CFAP47: variants seen among roughly 807,000 people sequenced by gnomAD.
CFAP47 encodes cilia and flagella associated protein 47.
Under a neutral mutation model 148.1 loss-of-function variants are expected in CFAP47, and 29 were observed. The observed-to-expected ratio is 0.20, with a 90% CI of 0.15 to 0.27. CFAP47 has a LOEUF of 0.27. Among genes scored for constraint, CFAP47 ranks in the 10% least tolerant of loss-of-function variants. The pLI is 1.00. For missense variants in CFAP47, 1,872 were observed against 1,697.5 expected (o/e 1.10, Z -1.81); for synonymous variants, 664 against 577.3 (o/e 1.15, Z -2.15).
chrX:35,951,988 A>T, intron 6 of CFAP47, 25 bp downstream of exon 6: 1 of 1,134,564 alleles, frequency 8.8e-7, no homozygotes, highest in Non-Finnish European at 1.2e-6. Flanking sequence ...ATTTCATTGT[A>T]ATGTTAAATA....
chrX:35,929,247 A>C (rs1449653217), intron 2 of CFAP47, among the ~76,000 whole-genome samples: 2 of 111,562 alleles, frequency 1.8e-5, no homozygotes, highest in Non-Finnish European at 3.8e-5. Flanking sequence ...ATTTGAGGGA[A>C]ATAGACATCT....
chrX:36,024,245 G>C (rs1469897181), intron 22 of CFAP47, among the ~76,000 whole-genome samples: 1 of 111,475 alleles, frequency 9.0e-6, no homozygotes, highest in Non-Finnish European at 1.9e-5. Flanking sequence ...TGAAAGCTAG[G>C]GTCTGGAAAA....
chrX:36,065,154 G>T (rs920101426), intron 26 of CFAP47, among the ~76,000 whole-genome samples: 2 of 111,658 alleles, frequency 1.8e-5, no homozygotes, highest in Non-Finnish European at 3.8e-5. Context: ...AATATTTGAA[G>T]AACTGTAATG....
At chrX:35,981,977 A>C (rs1161525944) in intron 15 of CFAP47, among the ~76,000 whole-genome samples, 1 of 111,692 alleles carries the variant, frequency 9.0e-6, no homozygotes, top group Non-Finnish European at 1.9e-5. Context: ...ATAGTGACAG[A>C]CACATGCGTG....
At chrX:36,239,193 T>A (rs1940510039) in intron 48 of CFAP47, among the ~76,000 whole-genome samples, 1 of 112,261 alleles carries the variant, frequency 8.9e-6, no homozygotes, top group African/African-American at 3.2e-5. Flanking sequence ...ACAAGAGATG[T>A]GGGACTTCCA....
At chrX:36,032,058 GT>G (rs1411687834) in intron 23 of CFAP47, among the ~76,000 whole-genome samples, 1 of 111,283 alleles carries the variant, frequency 9.0e-6, no homozygotes, top group African/African-American at 3.2e-5. Flanking sequence ...AAATGTGACT[GT>G]TTAGAGTATC....
intron 57 of CFAP47, among the ~76,000 whole-genome samples, chrX:36,338,156 G>A (rs1400157435): frequency 9.4e-6 from 1 of 106,267 alleles, no homozygotes; most frequent in Non-Finnish European, 1.9e-5. Context: ...CAAAGTGCTG[G>A]GATTACAGGC....
At chrX:36,243,673 A>G (rs1036123255) in intron 48 of CFAP47, among the ~76,000 whole-genome samples, 1,810 of 81,184 alleles carry the variant, frequency 0.022, 67 homozygotes, top group African/African-American at 0.12. Flanking sequence ...ATATATATAT[A>G]TATATATATA....
chrX:36,160,007 T>C (rs6632502), intron 38 of CFAP47, among the ~76,000 whole-genome samples: 15,378 of 111,457 alleles, frequency 0.14, 1,033 homozygotes, highest in East Asian at 0.28. Context: ...AGCCATTATC[T>C]CTTCTAAATA....
At chrX:36,224,812 G>T (rs1940252429) in intron 45 of CFAP47, among the ~76,000 whole-genome samples, 1 of 111,823 alleles carries the variant, frequency 8.9e-6, no homozygotes. Context: ...ATGAATGGTT[G>T]TTGCTTTAAA....
intron 33 of CFAP47, among the ~76,000 whole-genome samples, chrX:36,128,467 T>C (rs974662861): frequency 5.4e-5 from 6 of 111,267 alleles, no homozygotes; most frequent in African/African-American, 2.0e-4. Flanking sequence ...ATACATTTCT[T>C]TGTAAATTTG....
rs764274022 is a variant in CFAP47 at position 36,131,298 on chromosome X, G to A, written c.5321-6660G>A. 5.4e-5 allele frequency among the ~76,000 whole-genome samples: 6 copies of A among 111,234 alleles called. No individual in the cohort carries two copies. The South Asian group carries it at 2.2e-3, about 41-fold the overall frequency. Reference sequence around the variant, plus strand: ...CGGAAACCTCATGTGTTGCTAGAGGGATTGTAAAATGGTGCAACCACTTTG... The same window carrying A: ...CGGAAACCTCATGTGTTGCTAGAGGAATTGTAAAATGGTGCAACCACTTTG... On this transcript the variant is annotated intron_variant, in intron 33 of 63. Coordinates refer to ENST00000378653, the MANE Select transcript of CFAP47 (RefSeq NM_001304548.2).
rs1556024872 is a variant in CFAP47 at position 36,384,886 on chromosome X, T to C, written c.9444T>C (p.Thr3148=). The C allele has an allele frequency of 8.6e-6, 10 of 1,166,207 alleles. No homozygotes were observed. In the East Asian group the frequency reaches 2.0e-4, roughly 23 times the overall value. Residue 3148 remains threonine, a synonymous_variant, in exon 64 of 64, where the codon ACT becomes ACC. Coordinates refer to ENST00000378653, the MANE Select transcript of CFAP47 (RefSeq NM_001304548.2). The part of the protein sequence containing the change: ...PKNAKAKIDA[T]HKTHDNMPVR... ...ATGCAAAAGCCAAAATTGATGCTACTCACAAGACACATGACAACATGCCAG... is the reference window on the plus strand; with the variant it reads ...ATGCAAAAGCCAAAATTGATGCTACCCACAAGACACATGACAACATGCCAG...
chrX:36,231,519 C>A, intron 46 of CFAP47, among the ~76,000 whole-genome samples: 1 of 110,760 alleles, frequency 9.0e-6, no homozygotes, highest in Non-Finnish European at 1.9e-5. Flanking sequence ...TGGGCCGAGA[C>A]AATGGGGTTT....
At chrX:35,933,962 C>A in intron 2 of CFAP47, among the ~76,000 whole-genome samples, 1 of 111,447 alleles carries the variant, frequency 9.0e-6, no homozygotes, top group Non-Finnish European at 1.9e-5. Context: ...CTTATATATT[C>A]TGGTTATTAA....
chrX:35,994,249 G>A (rs768758740), intron 18 of CFAP47, among the ~76,000 whole-genome samples: 6 of 110,030 alleles, frequency 5.5e-5, no homozygotes, highest in East Asian at 5.8e-4. Context: ...GCAACAGAGC[G>A]AGACTCCGTC....
chrX:36,191,765 C>T (rs2146876194), intron 42 of CFAP47, among the ~76,000 whole-genome samples: 1 of 110,822 alleles, frequency 9.0e-6, no homozygotes, highest in African/African-American at 3.3e-5. Context: ...GGGCAGAATA[C>T]CTGAGGTCAG....
chrX:35,972,680 C>T (rs1414968585), intron 13 of CFAP47, among the ~76,000 whole-genome samples: 1 of 111,874 alleles, frequency 8.9e-6, no homozygotes, highest in Admixed American at 9.5e-5. Context: ...GGTTCACCCA[C>T]GTGGTAGGTA....
At chrX:36,068,799 T>TA (rs1937688977) in intron 27 of CFAP47, among the ~76,000 whole-genome samples, 1 of 107,466 alleles carries the variant, frequency 9.3e-6, no homozygotes, top group South Asian at 4.1e-4. Context: ...CTACTAAAAA[T>TA]ACAAAAATTA....
Sources: allele counts gnomAD v4.1 joint callset (sites outside exome capture counted in the v4.1 genomes callset), GRCh38; gene constraint gnomAD v4.1.1; transcripts MANE v1.5; gene names NCBI Gene and HGNC (gene_info 2026-07-23, HGNC 2026-07-21).